Variants in TEAD2 observed in about 807,000 individuals in gnomAD.
The protein encoded by TEAD2 is transcriptional enhancer factor TEF-4.
A neutral mutation model predicts 61.4 loss-of-function variants in TEAD2; 51 were observed. The ratio of observed to expected loss-of-function variants is 0.83; its 90% CI spans 0.66 to 1.05. The LOEUF (loss-of-function observed/expected upper bound fraction) is 1.05. TEAD2 is among the 50% of genes least tolerant of loss of function. The probability of loss-of-function intolerance (pLI) is 0.00; values close to 1 mark genes in which losing one functional copy is unlikely to be tolerated. For missense variants in TEAD2, 509 were observed against 600.0 expected (o/e 0.85, Z 1.58); for synonymous variants, 244 against 243.2 (o/e 1.00, Z -0.03).
Position 49,359,998 on chromosome 19 carries a change from A to C in TEAD2, c.78T>G (p.Gly26=). 1 of 1,608,492 alleles carries C rather than the reference A, an allele frequency of 6.2e-7. No individual in the cohort carries two copies. Among genetic ancestry groups the C allele is most frequent in the Non-Finnish European group, 8.5e-7 (1 of 1,179,770 alleles). ...WTGSEEGSEE[G]TGGSEGAGGD... is the part of the protein sequence containing the mutation. The stretch of plus-strand genomic sequence containing the variant: ...CCCCAGCCCCCTCACTGCCGCCGGT[A>C]CCCTCCTCACTGCCTTCCTCACTGC... Residue 26 remains glycine, a synonymous_variant, in exon 2 of 13, where the codon GGT becomes GGG. Transcript: ENST00000593945. The surrounding 1 kb of genome is among the most constrained non-coding windows in gnomAD (Gnocchi z 4.1).
Position 49,341,448 on chromosome 19 carries a change from G to A in TEAD2, c.1243-11C>T, listed in dbSNP as rs1343869564. On this transcript the variant is annotated splice_polypyrimidine_tract_variant and intron_variant, in intron 12 of 12. Transcript: ENST00000593945. This position sits in a 1 kb window ranked among gnomAD's most constrained non-coding sequence, Gnocchi z 4.2. Reference sequence around the variant, plus strand: ...TCTGTTTGTCACCACCTGCCAGGAAGGCCAGGACAAGGGACTTATGCTTAG... The same window carrying A: ...TCTGTTTGTCACCACCTGCCAGGAAAGCCAGGACAAGGGACTTATGCTTAG... 1.9e-6 allele frequency: 3 copies of A among 1,611,906 alleles called. No homozygotes were observed. The South Asian group carries it at 3.3e-5, about 18-fold the overall frequency.
chr19:49,360,049 G>C lies in TEAD2; in HGVS notation c.27C>G (p.Ala9=), dbSNP rs146338394. The C allele has an allele frequency of 4.6e-4, 732 of 1,607,108 alleles. 1 individual carries two copies. Among genetic ancestry groups the C allele is most frequent in the Admixed American group, 9.7e-4 (58 of 59,992 alleles). ...CCGTCCAGCCGCTGCCATCGTCCAG[G>C]GCGGCCCCAGCCCGGGGTTCCCCCA... MGEPRAGA[A]LDDGSGWTGS... is the part of the protein sequence containing the mutation. The change falls in exon 2 of 13, where the codon GCC becomes GCG. Residue 9 remains alanine (A), a synonymous_variant. Transcript: ENST00000593945.
chr19:49,343,206 C>A lies in TEAD2; in HGVS notation c.1089+25G>T, dbSNP rs202157381. On this transcript the variant is annotated intron_variant, in intron 11 of 12. Coordinates refer to ENST00000593945, the MANE Select transcript of TEAD2 (RefSeq NM_001256660.2). ...CATTCTGCACCCCCAAGTGCTGACCCAGAGCTCCACCCCTCCAGCCTCACC... is the reference window on the plus strand; with the variant it reads ...CATTCTGCACCCCCAAGTGCTGACCAAGAGCTCCACCCCTCCAGCCTCACC... 3.1e-6 allele frequency: 5 copies of A among 1,591,544 alleles called. No individual in the cohort carries two copies. The East Asian group carries it at 1.1e-4, about 36-fold the overall frequency.
chr19:49,359,932 G>A lies in TEAD2; in HGVS notation c.144C>T (p.Asp48=), dbSNP rs761697843. ...GGGCCTCCTGGAAGCTCTGCTCAAT[G>A]TCTGGGCTCCACACCCCCTCTGCAT... The part of the protein sequence containing the change: ...GPDAEGVWSP[D]IEQSFQEALA... The change falls in exon 2 of 13, where the codon GAC becomes GAT. Residue 48 remains aspartate, a synonymous_variant. Coordinates refer to ENST00000593945, the MANE Select transcript of TEAD2 (RefSeq NM_001256660.2). This position sits in a 1 kb window ranked among gnomAD's most constrained non-coding sequence, Gnocchi z 4.1. 12 of 1,612,566 alleles carry A rather than the reference G, an allele frequency of 7.4e-6. No individual in the cohort carries two copies. Among genetic ancestry groups the A allele is most frequent in the Non-Finnish European group, 1.0e-5 (12 of 1,180,026 alleles).
chr19:49,358,849 T>A (rs1337084014), intron 3 of TEAD2, among the ~76,000 whole-genome samples: 1 of 149,880 alleles, frequency 6.7e-6, no homozygotes, highest in Admixed American at 6.7e-5. Context: ...GTCAGGATGG[T>A]CTCGATCTCC....
chr19:49,359,408 C>A lies in TEAD2; in HGVS notation c.297+27G>T. 1 of 1,613,316 alleles carries A rather than the reference C, an allele frequency of 6.2e-7. No homozygotes were observed. The highest frequency in any genetic ancestry group is 8.5e-7 in the Non-Finnish European group (1 of 1,179,446). On this transcript the variant is annotated intron_variant, in intron 3 of 12. Coordinates refer to ENST00000593945, the MANE Select transcript of TEAD2 (RefSeq NM_001256660.2). This position sits in a 1 kb window ranked among gnomAD's most constrained non-coding sequence, Gnocchi z 4.1. ...CCTAAGAAGACCGGCCCATCCCAGA[C>A]AGAAGCCCACAAGTCCATTCCGAGA...
At chr19:49,357,114 C>T in intron 4 of TEAD2, 138 bp downstream of exon 4, 2 of 791,602 alleles carry the variant, frequency 2.5e-6, no homozygotes, top group Non-Finnish European at 4.0e-6. Context: ...GTCTCTGTCC[C>T]TTTCTCTCTG....
intron 7 of TEAD2, among the ~76,000 whole-genome samples, chr19:49,354,007 C>G (rs1172470689): frequency 3.3e-5 from 5 of 149,302 alleles, no homozygotes; most frequent in Non-Finnish European, 7.4e-5. Flanking sequence ...ACCATGTTGG[C>G]CAGAATGGTC....
intron 7 of TEAD2, among the ~76,000 whole-genome samples, chr19:49,354,690 C>T (rs1972256313): frequency 6.6e-6 from 1 of 151,798 alleles, no homozygotes; most frequent in African/African-American, 2.4e-5. Context: ...CTCTGTTCTA[C>T]CCTCAGGTCC....
intron 7 of TEAD2, among the ~76,000 whole-genome samples, chr19:49,353,658 C>T (rs899639775): frequency 2.0e-5 from 3 of 151,722 alleles, no homozygotes; most frequent in Admixed American, 2.0e-4. Flanking sequence ...AGCTAAGCAA[C>T]CCCCCTGCAA....
Position 49,340,820 on chromosome 19 carries a change from C to A in TEAD2, c.*504G>T. The A allele has an allele frequency of 4.7e-6, 1 of 212,298 alleles. No homozygotes were observed. The allele number at this position is 212,298 out of a possible 1,614,324, so 13.2% of individuals were successfully genotyped here. On this transcript the variant is annotated 3_prime_UTR_variant, in exon 13 of 13. Transcript: ENST00000593945. Reference sequence around the variant, plus strand: ...TGTCCAGGGCCCACCTGGCTCTGCTCCTGCACAGAAAGGGTTCATCTTCAC... The same window carrying A: ...TGTCCAGGGCCCACCTGGCTCTGCTACTGCACAGAAAGGGTTCATCTTCAC...
chr19:49,347,533 G>C, intron 9 of TEAD2, 170 bp from the exon 10 acceptor site: 1 of 697,896 alleles, frequency 1.4e-6, no homozygotes, highest in Non-Finnish European at 2.4e-6. Flanking sequence ...TCCTGCTTCT[G>C]CACCCAGTCC....
rs781031171 is a variant in TEAD2, at chr19:49,355,263, C to T, written c.480+49G>A. 6 of 1,613,556 alleles carry T rather than the reference C, an allele frequency of 3.7e-6. No individual in the cohort carries two copies. The South Asian group carries it at 5.5e-5, about 15-fold the overall frequency. On this transcript the variant is annotated intron_variant, in intron 6 of 12. Transcript: ENST00000593945. The stretch of plus-strand genomic sequence containing the variant: ...AGTCCCCTGTGGACAGCTGCAGCCC[C>T]ATCCATCCCCCTTTGCCCCCACGTC...
At chr19:49,354,105 C>T (rs960179683) in intron 7 of TEAD2, among the ~76,000 whole-genome samples, 1 of 151,494 alleles carries the variant, frequency 6.6e-6, no homozygotes, top group South Asian at 2.1e-4. Flanking sequence ...GCCCTCACTA[C>T]ACTCTTTCTC....
rs77888423 is a variant in TEAD2, at chr19:49,359,322, C to T, written c.297+113G>A. 1.7e-3 allele frequency: 1,503 copies of T among 882,156 alleles called. 13 individuals carry two copies. In the African/African-American group the frequency reaches 0.023, roughly 14 times the overall value. The allele number at this position is 882,156 out of a possible 1,614,324, so 54.6% of individuals were successfully genotyped here. Reference sequence around the variant, plus strand: ...CGGACTAACACACATGCCGAGAAGACAGATGAACGCACAGGAAGCAGCTTC... The same window carrying T: ...CGGACTAACACACATGCCGAGAAGATAGATGAACGCACAGGAAGCAGCTTC... On this transcript the variant is annotated intron_variant, in intron 3 of 12. Transcript: ENST00000593945. The surrounding 1 kb of genome is among the most constrained non-coding windows in gnomAD (Gnocchi z 4.1).
At position 49,359,428 on chromosome 19, in the gene TEAD2, C is replaced by G; in HGVS notation, c.297+7G>C. 2 of 1,613,914 alleles carry G rather than the reference C, an allele frequency of 1.2e-6. No individual in the cohort carries two copies. Among genetic ancestry groups the G allele is most frequent in the Non-Finnish European group, 1.7e-6 (2 of 1,179,912 alleles). On this transcript the variant is annotated splice_region_variant and intron_variant, in intron 3 of 12. Coordinates refer to ENST00000593945, the MANE Select transcript of TEAD2 (RefSeq NM_001256660.2). The surrounding 1 kb of genome is among the most constrained non-coding windows in gnomAD (Gnocchi z 4.1). ...CCAGACAGAAGCCCACAAGTCCATTCCGAGACCTGTTTTCGAGTTCGGGTC... is the reference window on the plus strand; with the variant it reads ...CCAGACAGAAGCCCACAAGTCCATTGCGAGACCTGTTTTCGAGTTCGGGTC...
At chr19:49,344,753 G>A (rs772597850) in intron 10 of TEAD2, among the ~76,000 whole-genome samples, 4 of 152,072 alleles carry the variant, frequency 2.6e-5, no homozygotes, top group South Asian at 4.1e-4. Context: ...GGGACCTCAC[G>A]GAGCCTGAGG....
rs1037687299 is a variant in TEAD2, at chr19:49,359,199, C to G, written c.297+236G>C. On this transcript the variant is annotated intron_variant, in intron 3 of 12. Coordinates refer to ENST00000593945, the MANE Select transcript of TEAD2 (RefSeq NM_001256660.2). The surrounding 1 kb of genome is among the most constrained non-coding windows in gnomAD (Gnocchi z 4.1). The stretch of plus-strand genomic sequence containing the variant: ...GTTGCAGTGAGCCAAGATCGCGCCA[C>G]TGCACTCCGGCCTGGGCAACAGAGC... 2.1e-6 allele frequency: 1 copy of G among 478,552 alleles called. No homozygotes were observed. Among genetic ancestry groups the G allele is most frequent in the Non-Finnish European group, 3.8e-6 (1 of 263,340 alleles). 29.6% of individuals were successfully genotyped at this position (478,552 alleles called of 1,614,324 possible).
At chr19:49,352,792 G>A (rs141162041) in intron 7 of TEAD2, among the ~76,000 whole-genome samples, 2,665 of 152,082 alleles carry the variant, frequency 0.018, 75 homozygotes, top group African/African-American at 0.055. Flanking sequence ...CACCCACCTC[G>A]GTCTCCCAAA....
Sources: allele counts gnomAD v4.1 joint callset (sites outside exome capture counted in the v4.1 genomes callset), GRCh38; gene constraint gnomAD v4.1.1; non-coding constraint Gnocchi (gnomAD v3.1); transcripts MANE v1.5; gene names NCBI Gene and HGNC (gene_info 2026-07-23, HGNC 2026-07-21).